The following ST8SIA4 variants were observed in gnomAD, a reference collection of about 807,000 sequenced individuals.
The protein encoded by ST8SIA4 is ST8 alpha-N-acetyl-neuraminide alpha-2,8-sialyltransferase 4, also known as CMP-N-acetylneuraminate-poly-alpha-2,8-sialyltransferase.
A neutral mutation model predicts 33.9 loss-of-function variants in ST8SIA4; 15 were observed. The observed-to-expected ratio is 0.44, with a 90% confidence interval of 0.30 to 0.68. The LOEUF (loss-of-function observed/expected upper bound fraction) is 0.68, where lower values mean the gene tolerates loss of function less well. Ranked by LOEUF, ST8SIA4 falls within the 30% of genes least tolerant of loss-of-function variation. The probability of loss-of-function intolerance (pLI) is 0.10; values close to 1 mark genes in which losing one functional copy is unlikely to be tolerated. For synonymous variants in ST8SIA4, 171 were observed against 151.2 expected (o/e 1.13, Z -0.96); for missense variants, 321 against 428.0 (o/e 0.75, Z 2.21).
chr5:100,873,865 C>T (rs935735882), intron 3 of ST8SIA4, among the ~76,000 whole-genome samples: 13 of 152,106 alleles, frequency 8.5e-5, no homozygotes, highest in African/African-American at 3.1e-4. Context: ...TTGAGTATAG[C>T]TAGTACAAAT....
At chr5:100,852,636 T>C (rs1478269992) in intron 4 of ST8SIA4, among the ~76,000 whole-genome samples, 1 of 152,184 alleles carries the variant, frequency 6.6e-6, no homozygotes, top group African/African-American at 2.4e-5. Context: ...TCTTTTTAAA[T>C]TATGAATCTA....
intron 4 of ST8SIA4, among the ~76,000 whole-genome samples, chr5:100,823,215 AC>A (rs1360586184): frequency 2.0e-5 from 3 of 152,176 alleles, no homozygotes; most frequent in African/African-American, 7.2e-5. Context: ...GGTCATTCTC[AC>A]TGCTACACTC....
At chr5:100,883,592 C>T (rs1376733058) in intron 3 of ST8SIA4, among the ~76,000 whole-genome samples, 1 of 152,084 alleles carries the variant, frequency 6.6e-6, no homozygotes, top group East Asian at 1.9e-4. Flanking sequence ...TTGGCTGTGT[C>T]CTCACCTAAA....
intron 1 of ST8SIA4, among the ~76,000 whole-genome samples, chr5:100,901,605 T>C (rs954755640): frequency 2.0e-5 from 3 of 152,138 alleles, no homozygotes; most frequent in Non-Finnish European, 4.4e-5. Flanking sequence ...GAATAGACCA[T>C]GTATAGATTC....
chr5:100,844,474 G>A (rs1282641312), intron 4 of ST8SIA4, among the ~76,000 whole-genome samples: 4 of 151,872 alleles, frequency 2.6e-5, no homozygotes, highest in Non-Finnish European at 4.4e-5. Context: ...ATTGATGAGG[G>A]GAGGCTGCCA....
chr5:100,830,184 A>C (rs1037870038), intron 4 of ST8SIA4, among the ~76,000 whole-genome samples: 1 of 152,226 alleles, frequency 6.6e-6, no homozygotes, highest in African/African-American at 2.4e-5. Context: ...CAAGTAAGTG[A>C]AAGGGAATAG....
intron 3 of ST8SIA4, among the ~76,000 whole-genome samples, chr5:100,871,089 G>A (rs1752189001): frequency 6.6e-6 from 1 of 152,026 alleles, no homozygotes; most frequent in Non-Finnish European, 1.5e-5. Context: ...TGAGTTAAGG[G>A]AATACATATC....
intron 4 of ST8SIA4, among the ~76,000 whole-genome samples, chr5:100,821,053 T>A (rs985010369): frequency 1.3e-5 from 2 of 152,006 alleles, no homozygotes; most frequent in Non-Finnish European, 2.9e-5. Flanking sequence ...AAAAGTGAAA[T>A]ACTAGAAAAA....
intron 3 of ST8SIA4, among the ~76,000 whole-genome samples, chr5:100,865,206 T>C (rs2059846): frequency 0.39 from 58,695 of 152,012 alleles, 11,806 homozygotes; most frequent in African/African-American, 0.49. Flanking sequence ...TTTCTGTCCC[T>C]TTGCTGCTAG....
chr5:100,827,702 T>A (rs1580451830), intron 4 of ST8SIA4, among the ~76,000 whole-genome samples: 1 of 152,172 alleles, frequency 6.6e-6, no homozygotes, highest in Non-Finnish European at 1.5e-5. Context: ...AGTGGGTGGG[T>A]CCTGTATTTA....
At chr5:100,874,949 C>A (rs1561402245) in intron 3 of ST8SIA4, among the ~76,000 whole-genome samples, 1 of 152,092 alleles carries the variant, frequency 6.6e-6, no homozygotes, top group Non-Finnish European at 1.5e-5. Flanking sequence ...GCACATCAAA[C>A]AATCCAAGTG....
intron 4 of ST8SIA4, among the ~76,000 whole-genome samples, chr5:100,822,857 G>A (rs1561384950): frequency 6.6e-6 from 1 of 152,172 alleles, no homozygotes; most frequent in South Asian, 2.1e-4. Flanking sequence ...GAAACCAGGC[G>A]AAACTCACCA....
intron 3 of ST8SIA4, chr5:100,886,037 C>A: frequency 1.8e-6 from 2 of 1,085,490 alleles, no homozygotes; most frequent in Non-Finnish European, 1.1e-6. Flanking sequence ...AGAAGAGATA[C>A]TAAGAAAAAA....
intron 4 of ST8SIA4, among the ~76,000 whole-genome samples, chr5:100,818,239 G>A (rs995159271): frequency 6.6e-6 from 1 of 152,138 alleles, no homozygotes; most frequent in Non-Finnish European, 1.5e-5. Flanking sequence ...GGAATAGCAA[G>A]TCCTTAGGAT....
intron 4 of ST8SIA4, among the ~76,000 whole-genome samples, chr5:100,837,444 G>T (rs1751386252): frequency 6.6e-6 from 1 of 151,886 alleles, no homozygotes. Flanking sequence ...TTCTGATTGA[G>T]GTGCCAGTGT....
Position 100,886,090 on chromosome 5 carries a change from C to T in ST8SIA4, c.503+253G>A, listed in dbSNP as rs1360445345. ...AATTTAATAAAATTGCCATTTGCCT[C>T]CCCCCTCACCTCACCAAAAAAAGCT... On this transcript the variant is annotated intron_variant, in intron 3 of 4. Coordinates refer to ENST00000231461, the MANE Select transcript of ST8SIA4 (RefSeq NM_005668.6). 6.6e-6 allele frequency: 8 copies of T among 1,206,720 alleles called. No individual in the cohort carries two copies. The East Asian group carries it at 1.6e-4, about 24-fold the overall frequency. 74.8% of individuals were successfully genotyped at this position (1,206,720 alleles called of 1,614,324 possible). A position where few individuals can be genotyped will look rare whatever the true frequency, so the allele number is the denominator to read the frequency against.
intron 4 of ST8SIA4, among the ~76,000 whole-genome samples, chr5:100,850,407 T>C (rs1751666479): frequency 6.6e-6 from 1 of 151,726 alleles, no homozygotes; most frequent in Non-Finnish European, 1.5e-5. Context: ...ATGGTACATA[T>C]ATATTACTTT....
chr5:100,902,907 G>A lies in ST8SIA4; in HGVS notation c.49C>T (p.Leu17=). 8 of 1,614,202 alleles carry A rather than the reference G, an allele frequency of 5.0e-6. No individual in the cohort carries two copies. The highest frequency in any genetic ancestry group is 6.8e-6 in the Non-Finnish European group (8 of 1,180,036). Residue 17 remains leucine, a synonymous_variant, in exon 1 of 5, where the codon CTG becomes TTG. Coordinates refer to ENST00000231461, the MANE Select transcript of ST8SIA4 (RefSeq NM_005668.6). Reference sequence around the variant, plus strand: ...ATTTCTTTTGTCTTATAAAAGATCAGGAGCAGACTTATTGTGCAGATCGTC... The same window carrying A: ...ATTTCTTTTGTCTTATAAAAGATCAAGAGCAGACTTATTGTGCAGATCGTC... The part of the protein sequence containing the change: ...RWTICTISLL[L]IFYKTKEIAR...
intron 3 of ST8SIA4, among the ~76,000 whole-genome samples, chr5:100,884,680 T>C (rs1238880331): frequency 6.6e-6 from 1 of 152,126 alleles, no homozygotes. Flanking sequence ...AAGAACTCAG[T>C]AGTTTAGGAA....
Sources: allele counts gnomAD v4.1 joint callset (sites outside exome capture counted in the v4.1 genomes callset), GRCh38; gene constraint gnomAD v4.1.1; transcripts MANE v1.5; gene names NCBI Gene and HGNC (gene_info 2026-07-23, HGNC 2026-07-21).